The following SP3 variants were observed in gnomAD, a reference collection of about 807,000 sequenced individuals.
SP3 encodes transcription factor Sp3.
Under a neutral mutation model 70.3 loss-of-function variants are expected in SP3, and 10 were observed. That is an observed-to-expected ratio of 0.14 (90% CI 0.09 to 0.24). SP3 has a LOEUF of 0.24. Among genes scored for constraint, SP3 ranks in the 10% least tolerant of loss-of-function variants. The pLI is 1.00. For synonymous variants in SP3, 402 were observed against 333.5 expected (o/e 1.21, Z -2.24); for missense variants, 825 against 914.6 (o/e 0.90, Z 1.26).
intron 4 of SP3, among the ~76,000 whole-genome samples, chr2:173,926,545 T>C (rs982391332): frequency 5.9e-4 from 90 of 152,264 alleles, no homozygotes; most frequent in African/African-American, 2.1e-3. Flanking sequence ...ACGCCTGTAA[T>C]CCCAGCACTT....
At chr2:173,910,902 A>G (rs963179629) in intron 6 of SP3, among the ~76,000 whole-genome samples, 2 of 152,252 alleles carry the variant, frequency 1.3e-5, no homozygotes, top group Admixed American at 1.3e-4. Flanking sequence ...GTAAGTTTAA[A>G]TACAAAAGAC....
At chr2:173,929,903 G>A (rs571953318) in intron 4 of SP3, among the ~76,000 whole-genome samples, 53 of 152,226 alleles carry the variant, frequency 3.5e-4, no homozygotes, top group African/African-American at 1.2e-3. Flanking sequence ...AAAATTAGAA[G>A]GCTTATCTAT....
intron 5 of SP3, chr2:173,916,658 T>C (rs1689624277): frequency 6.6e-6 from 1 of 152,058 alleles, no homozygotes; most frequent in African/African-American, 2.4e-5. Flanking sequence ...AATTGTAAAA[T>C]TCATTGTTGG....
At chr2:173,950,019 G>A (rs1446948310) in intron 4 of SP3, among the ~76,000 whole-genome samples, 1 of 151,998 alleles carries the variant, frequency 6.6e-6, no homozygotes, top group Non-Finnish European at 1.5e-5. Flanking sequence ...CAAATATACA[G>A]CAACGATAAA....
At chr2:173,954,505 A>G (rs1690816732) in intron 4 of SP3, among the ~76,000 whole-genome samples, 1 of 152,224 alleles carries the variant, frequency 6.6e-6, no homozygotes, top group South Asian at 2.1e-4. Context: ...CTCCTCAACC[A>G]AATATAATGC....
intron 4 of SP3, among the ~76,000 whole-genome samples, chr2:173,950,655 T>G (rs1453217237): frequency 6.8e-6 from 1 of 147,212 alleles, no homozygotes; most frequent in Non-Finnish European, 1.5e-5. Context: ...AGACCCTGTC[T>G]CTTAAAAAAA....
At chr2:173,959,242 T>C (rs1690984255) in intron 3 of SP3, among the ~76,000 whole-genome samples, 1 of 151,562 alleles carries the variant, frequency 6.6e-6, no homozygotes, top group Non-Finnish European at 1.5e-5. Context: ...CAAAGCACAA[T>C]CAAATTTCTT....
chr2:173,957,645 T>C (rs1044831039), intron 3 of SP3, among the ~76,000 whole-genome samples: 1 of 152,136 alleles, frequency 6.6e-6, no homozygotes, highest in African/African-American at 2.4e-5. Context: ...TCCCACTAAA[T>C]TGTTTAGACT....
At position 173,956,188 on chromosome 2, in the gene SP3, T is replaced by C. The variant is rs766220703; in HGVS notation, c.324A>G (p.Arg108=). 60 of 1,613,668 alleles carry C rather than the reference T, an allele frequency of 3.7e-5. No individual in the cohort carries two copies. Among genetic ancestry groups the C allele is most frequent in the Admixed American group, 2.5e-4 (15 of 60,000 alleles). Residue 108 remains arginine, a synonymous_variant, in exon 4 of 7, where the codon CGA becomes CGG. Coordinates refer to ENST00000310015, the MANE Select transcript of SP3 (RefSeq NM_003111.5). ...ASAQLGGAPN[R]WEVLSATPTT... ...TAGGTGTGGCTGACAAAACCTCCCA[T>C]CGGTTTGGTGCTCCTCCTAACTGTG...
Position 173,903,304 on chromosome 2 carries a change from T to TCATG in SP3, c.*6636_*6637insCATG, listed in dbSNP as rs1439751023. Among the ~76,000 whole-genome samples the TCATG allele has an allele frequency of 2.0e-5, 3 of 152,240 alleles. No homozygotes were observed. The highest frequency in any genetic ancestry group is 4.4e-5 in the Non-Finnish European group (3 of 68,040). On this transcript the variant is annotated 3_prime_UTR_variant, in exon 7 of 7. Transcript: ENST00000310015. ...TATGAAGATGACGCTAGCATCATTC[T>TCATG]CATTTTATAGTTAGAGAACAGGCTA...
In SP3 at chr2:173,903,715, C is replaced by T. The variant is rs1360398432; in HGVS notation, c.*6226G>A. On this transcript the variant is annotated 3_prime_UTR_variant, in exon 7 of 7. Transcript: ENST00000310015. The stretch of plus-strand genomic sequence containing the variant: ...GAAAGTCAGTATTCCACAAGACCAA[C>T]CACAGATAAAGATACAGCCATCTGT... 1.3e-5 allele frequency among the ~76,000 whole-genome samples: 2 copies of T among 152,112 alleles called. No homozygotes were observed. Among genetic ancestry groups the T allele is most frequent in the African/African-American group, 4.8e-5 (2 of 41,426 alleles).
intron 4 of SP3, among the ~76,000 whole-genome samples, chr2:173,935,425 C>G (rs1321924525): frequency 1.3e-5 from 2 of 152,116 alleles, no homozygotes; most frequent in African/African-American, 4.8e-5. Flanking sequence ...ACAATCAAAA[C>G]CAAACTATCT....
intron 3 of SP3, among the ~76,000 whole-genome samples, chr2:173,961,939 T>TTTG (rs1265145064): frequency 0.03 from 2,647 of 88,828 alleles, 73 homozygotes; most frequent in African/African-American, 0.081. Context: ...GTTTGGGTTT[T>TTTG]TTTTTTTTTT....
intron 4 of SP3, among the ~76,000 whole-genome samples, chr2:173,940,372 G>A (rs948024395): frequency 3.9e-5 from 6 of 152,170 alleles, no homozygotes; most frequent in African/African-American, 1.2e-4. Flanking sequence ...ATTCACAATA[G>A]GGTTCGGGCT....
chr2:173,914,214 T>C (rs1689567686), intron 5 of SP3: 1 of 152,094 alleles, frequency 6.6e-6, no homozygotes, highest in Admixed American at 6.6e-5. Flanking sequence ...AATAAATTAG[T>C]TTTTAAAAAA....
Position 173,965,109 on chromosome 2 carries a change from TCGGCGGCAGCGGCGG to T in SP3, c.7+41_7+55del, listed in dbSNP as rs1322766387. ...GGCAGCGGCCCCGGGCTGGCTGTGG[TCGGCGGCAGCGGCGG>T]CGGCGGCAGCAGCAAGGGTTGCTCT... On this transcript the variant is annotated intron_variant, in intron 1 of 6. Transcript: ENST00000310015. 34 of 1,543,336 alleles carry T rather than the reference TCGGCGGCAGCGGCGG, an allele frequency of 2.2e-5. 1 individual carries two copies. Among genetic ancestry groups the T allele is most frequent in the Middle Eastern group, 2.2e-4 (1 of 4,462 alleles).
rs182125951 is a variant in SP3, at chr2:173,929,129, C to T, written c.1640-10344G>A. 1.4e-3 allele frequency among the ~76,000 whole-genome samples: 213 copies of T among 152,288 alleles called. 2 individuals are homozygous for T. The highest frequency in any genetic ancestry group is 3.2e-3 in the Admixed American group (49 of 15,294). On this transcript the variant is annotated intron_variant, in intron 4 of 6. Transcript: ENST00000310015. ...ACTTGATACATGCTTCCAAGGTTGC[C>T]TTGCCAAAGGTGAAAGAAAACGTGG... is the stretch of plus-strand genomic sequence containing the variant.
chr2:173,922,030 G>A (rs1043472714), intron 4 of SP3, among the ~76,000 whole-genome samples: 1 of 152,012 alleles, frequency 6.6e-6, no homozygotes, highest in African/African-American at 2.4e-5. Context: ...TATGCTTCCG[G>A]TACAGCCTGC....
At chr2:173,913,705 G>C (rs1689550864) in intron 5 of SP3, 1 of 152,404 alleles carries the variant, frequency 6.6e-6, no homozygotes, top group African/African-American at 2.4e-5. Context: ...ATACGTAACT[G>C]ATCACAGGTA....
Sources: allele counts gnomAD v4.1 joint callset (sites outside exome capture counted in the v4.1 genomes callset), GRCh38; gene constraint gnomAD v4.1.1; transcripts MANE v1.5; gene names NCBI Gene and HGNC (gene_info 2026-07-23, HGNC 2026-07-21).